MCTP2: variants seen among roughly 807,000 people sequenced by gnomAD.
MCTP2 encodes the protein multiple C2 and transmembrane domain containing 2.
MCTP2 carries 132 observed loss-of-function variants against 111.6 expected under a neutral mutation model. The observed-to-expected ratio is 1.18, with a 90% confidence interval of 1.03 to 1.37. MCTP2 has a LOEUF of 1.37. MCTP2 is among the 40% of genes most tolerant of loss of function. The probability of loss-of-function intolerance (pLI) is 0.00; values close to 1 mark genes in which losing one functional copy is unlikely to be tolerated. For synonymous variants in MCTP2, 395 were observed against 387.7 expected (o/e 1.02, Z -0.22); for missense variants, 1,183 against 1,067.9 (o/e 1.11, Z -1.50).
At chr15:94,246,368 A>G (rs1202085547) in intron 1 of MCTP2, among the ~76,000 whole-genome samples, 1 of 152,174 alleles carries the variant, frequency 6.6e-6, no homozygotes, top group East Asian at 1.9e-4. Flanking sequence ...TGAGTCGTCT[A>G]ATAGTACCTA....
At chr15:94,414,434 G>A (rs901586434) in intron 17 of MCTP2, among the ~76,000 whole-genome samples, 2 of 152,138 alleles carry the variant, frequency 1.3e-5, no homozygotes, top group Non-Finnish European at 2.9e-5. Flanking sequence ...TCAGTTCTCT[G>A]CTCTGTTAGC....
chr15:94,380,809 A>T (rs973617932), intron 12 of MCTP2, among the ~76,000 whole-genome samples: 1 of 152,200 alleles, frequency 6.6e-6, no homozygotes, highest in Non-Finnish European at 1.5e-5. Flanking sequence ...TGATATGACA[A>T]TTGTAACACA....
rs575727265 is a variant in MCTP2 at position 94,450,820 on chromosome 15, G to T, written c.2251-7317G>T. Among the ~76,000 whole-genome samples, 6 of 152,234 alleles carry T rather than the reference G, an allele frequency of 3.9e-5. No homozygotes were observed. In the East Asian group the frequency reaches 1.2e-3, roughly 29 times the overall value. On this transcript the variant is annotated intron_variant, in intron 19 of 22. Coordinates refer to ENST00000357742, the MANE Select transcript of MCTP2 (RefSeq NM_001385001.1). ...TGACATGGTCAATTTTCAGGACTTT[G>T]TCTCCTGTTTTGCTTAGGGAATTAA...
At chr15:94,334,974 TG>T (rs2077288271) in intron 4 of MCTP2, among the ~76,000 whole-genome samples, 1 of 152,216 alleles carries the variant, frequency 6.6e-6, no homozygotes, top group African/African-American at 2.4e-5. Context: ...TTCCCATCCG[TG>T]GAGTGCCCCT....
At chr15:94,411,390 G>A (rs1237922947) in intron 17 of MCTP2, among the ~76,000 whole-genome samples, 2 of 151,760 alleles carry the variant, frequency 1.3e-5, no homozygotes, top group African/African-American at 4.8e-5. Context: ...CCCATCAGGT[G>A]GCATGTGCTC....
intron 1 of MCTP2, among the ~76,000 whole-genome samples, chr15:94,233,979 G>A (rs551794286): frequency 3.3e-5 from 5 of 152,270 alleles, no homozygotes; most frequent in South Asian, 2.1e-4. Flanking sequence ...GGCTTTGCCC[G>A]TGAAGCGAGG....
Position 94,458,145 on chromosome 15 carries a change from G to T in MCTP2, c.2259G>T (p.Glu753Asp). The T allele has an allele frequency of 6.2e-7, 1 of 1,600,648 alleles. No individual in the cohort carries two copies. Among genetic ancestry groups the T allele is most frequent in the South Asian group, 1.1e-5 (1 of 90,616 alleles). ...GCTTTTATGTTTTCTAGGAATCTGA[G>T]AAAAAGGGGTTGATTGAAAGAATCT... ...DEEDEDDKES[E>D]KKGLIERIYM... The change falls in exon 20 of 23, where the codon GAG (glutamate) becomes GAT (aspartate). Residue 753 changes from glutamate (E) to aspartate (D), a missense_variant. Coordinates refer to ENST00000357742, the MANE Select transcript of MCTP2 (RefSeq NM_001385001.1).
At chr15:94,292,453 A>C (rs1444044197) in intron 1 of MCTP2, among the ~76,000 whole-genome samples, 1 of 152,230 alleles carries the variant, frequency 6.6e-6, no homozygotes, top group Non-Finnish European at 1.5e-5. Context: ...AATATAAAAA[A>C]ATTCAATTGT....
chr15:94,362,134 T>C (rs2078975641), intron 10 of MCTP2, among the ~76,000 whole-genome samples: 1 of 152,152 alleles, frequency 6.6e-6, no homozygotes, highest in African/African-American at 2.4e-5. Context: ...CTCCAGTGTT[T>C]GTTCATGGGC....
At chr15:94,449,856 TTATC>T (rs2084334018) in intron 19 of MCTP2, among the ~76,000 whole-genome samples, 1 of 152,186 alleles carries the variant, frequency 6.6e-6, no homozygotes, top group African/African-American at 2.4e-5. Context: ...CCTGGTATAT[TTATC>T]TACAGTAGTT....
intron 8 of MCTP2, among the ~76,000 whole-genome samples, chr15:94,345,504 G>A (rs2077930068): frequency 6.6e-6 from 1 of 152,082 alleles, no homozygotes; most frequent in African/African-American, 2.4e-5. Context: ...AACTAGCATT[G>A]GTGTTGTAGG....
chr15:94,241,024 A>G (rs1465932548), intron 1 of MCTP2, among the ~76,000 whole-genome samples: 8 of 152,186 alleles, frequency 5.3e-5, no homozygotes, highest in Admixed American at 3.3e-4. Context: ...CAAGATCCAG[A>G]GTATACAGAC....
chr15:94,382,851 G>T (rs767515932), intron 12 of MCTP2, among the ~76,000 whole-genome samples: 16 of 152,254 alleles, frequency 1.1e-4, no homozygotes, highest in Admixed American at 2.0e-4. Flanking sequence ...ATGTCCTACG[G>T]ACATTACGGA....
intron 21 of MCTP2, among the ~76,000 whole-genome samples, chr15:94,475,496 C>T (rs1431898608): frequency 1.3e-5 from 2 of 152,146 alleles, no homozygotes; most frequent in African/African-American, 4.8e-5. Context: ...AAATCAAACC[C>T]TTTGTGTGTT....
At chr15:94,430,614 G>T (rs1307675685) in intron 17 of MCTP2, among the ~76,000 whole-genome samples, 1 of 151,446 alleles carries the variant, frequency 6.6e-6, no homozygotes, top group East Asian at 1.9e-4. Context: ...TGGGCGTCGT[G>T]GTGGGCGCCT....
intron 1 of MCTP2, among the ~76,000 whole-genome samples, chr15:94,254,902 T>C (rs954077413): frequency 3.9e-5 from 6 of 152,196 alleles, no homozygotes; most frequent in African/African-American, 1.4e-4. Context: ...ACAATGTCAT[T>C]GTATTATTCC....
chr15:94,253,512 G>C (rs1234346861), intron 1 of MCTP2, among the ~76,000 whole-genome samples: 1 of 151,984 alleles, frequency 6.6e-6, no homozygotes, highest in East Asian at 1.9e-4. Flanking sequence ...TTGTGGTCTA[G>C]CCTTTATCAC....
chr15:94,285,625 A>G (rs569218411), intron 1 of MCTP2, among the ~76,000 whole-genome samples: 3 of 152,228 alleles, frequency 2.0e-5, no homozygotes, highest in Non-Finnish European at 4.4e-5. Flanking sequence ...AACTGTAAAT[A>G]TCTCATCAGA....
At chr15:94,284,674 C>T (rs1245120607) in intron 1 of MCTP2, among the ~76,000 whole-genome samples, 5 of 152,134 alleles carry the variant, frequency 3.3e-5, no homozygotes, top group Non-Finnish European at 5.9e-5. Context: ...ACAGTGGTTT[C>T]GTCTGCTAGG....
Sources: allele counts gnomAD v4.1 joint callset (sites outside exome capture counted in the v4.1 genomes callset), GRCh38; gene constraint gnomAD v4.1.1; transcripts MANE v1.5; gene names NCBI Gene and HGNC (gene_info 2026-07-23, HGNC 2026-07-21).